The following MCF2L variants were observed in gnomAD, a reference collection of about 807,000 sequenced individuals.
MCF2L encodes the protein guanine nucleotide exchange factor DBS.
Under a neutral mutation model 153.4 loss-of-function variants are expected in MCF2L, and 97 were observed. The ratio of observed to expected loss-of-function variants is 0.63; its 90% CI spans 0.54 to 0.75. The LOEUF is 0.75. Ranked by LOEUF, MCF2L falls within the 30% of genes least tolerant of loss-of-function variation. The pLI, the probability that MCF2L is intolerant of heterozygous loss-of-function variation, is 0.00. For synonymous variants in MCF2L, 659 were observed against 632.2 expected (o/e 1.04, Z -0.64); for missense variants, 1,347 against 1,495.2 (o/e 0.90, Z 1.64).
Position 113,066,075 on chromosome 13 carries a change from G to T in MCF2L, c.786G>T (p.Gly262=), listed in dbSNP as rs2032319090. 6.2e-7 allele frequency: 1 copy of T among 1,613,210 alleles called. No individual in the cohort carries two copies. Among genetic ancestry groups the T allele is most frequent in the East Asian group, 2.2e-5 (1 of 44,872 alleles). The change falls in exon 8 of 30, where the codon GGG becomes GGT. Residue 262 remains glycine, a synonymous_variant. Coordinates refer to ENST00000535094, the MANE Select transcript of MCF2L (RefSeq NM_001112732.3). ...KEDLRLALKE[G]HSVLESLREL... is the part of the protein sequence containing the mutation. ...ATTTGAGGCTGGCACTGAAAGAGGGGCACAGTGTCCTGGAGAGCCTCAGGG... is the reference window on the plus strand; with the variant it reads ...ATTTGAGGCTGGCACTGAAAGAGGGTCACAGTGTCCTGGAGAGCCTCAGGG...
At chr13:113,049,203 T>C (rs1332240644) in intron 4 of MCF2L, among the ~76,000 whole-genome samples, 3 of 152,056 alleles carry the variant, frequency 2.0e-5, no homozygotes, top group African/African-American at 7.3e-5. Flanking sequence ...AGGCGGGCAG[T>C]GGTGGCACTG....
At chr13:112,903,629 C>T (rs1006172587) in intron 2 of MCF2L, among the ~76,000 whole-genome samples, 9 of 152,266 alleles carry the variant, frequency 5.9e-5, no homozygotes, top group East Asian at 1.9e-4. Context: ...GGCTGCGTTT[C>T]GGTATAGTCA....
At chr13:113,060,087 C>T (rs993291208) in intron 4 of MCF2L, among the ~76,000 whole-genome samples, 1 of 152,206 alleles carries the variant, frequency 6.6e-6, no homozygotes, top group Non-Finnish European at 1.5e-5. Context: ...GGCCTCTCCT[C>T]AGCTTCTGGT....
chr13:113,004,294 C>T (rs749991218), intron 1 of MCF2L, among the ~76,000 whole-genome samples: 76 of 152,192 alleles, frequency 5.0e-4, no homozygotes, highest in Non-Finnish European at 9.6e-4. Flanking sequence ...CGTCAGTGTG[C>T]GGCCACACTT....
At chr13:113,086,331 G>T in intron 21 of MCF2L, 82 bp downstream of exon 21, 1 of 1,560,548 alleles carries the variant, frequency 6.4e-7, no homozygotes, top group Non-Finnish European at 8.7e-7. Context: ...CCCTGCACAC[G>T]CCCCTCGCTT....
Position 113,027,893 on chromosome 13 carries a change from G to A in MCF2L, c.278+3135G>A, listed in dbSNP as rs1304855150. 6.6e-6 allele frequency among the ~76,000 whole-genome samples: 1 copy of A among 152,218 alleles called. No individual in the cohort carries two copies. The highest frequency in any genetic ancestry group is 2.4e-5 in the African/African-American group (1 of 41,464). On this transcript the variant is annotated intron_variant, in intron 3 of 29. Transcript: ENST00000535094. This position sits in a 1 kb window ranked among gnomAD's most constrained non-coding sequence, Gnocchi z 4.8. ...CCAGGTGTGCTGTGGCCAGAGGGGT[G>A]TCCTGGGGAGGGCGGTCATCTCCAA...
In MCF2L at chr13:112,991,293, G is replaced by A. The variant is rs559126436; in HGVS notation, c.79+21835G>A. Among the ~76,000 whole-genome samples, 42 of 151,898 alleles carry A rather than the reference G, an allele frequency of 2.8e-4. 2 individuals carry two copies. The South Asian group carries it at 8.3e-3, about 30-fold the overall frequency. On this transcript the variant is annotated intron_variant, in intron 1 of 29. Coordinates refer to ENST00000535094, the MANE Select transcript of MCF2L (RefSeq NM_001112732.3). ...CCCGGGACCTGATTTGCTGTGTTTT[G>A]GGGGGCGTCTCCCAGGACCTGATTT...
rs1315316406 is a variant in MCF2L, at chr13:112,928,902, G to A, written c.169+26531G>A. ...GGATGGAGGTCTGCGCCTCCTCCCA[G>A]CTGACAGTCTGTGGCATCTGCAGTG... On this transcript the variant is annotated intron_variant, in intron 2 of 29. Transcript: ENST00000375608. Among the ~76,000 whole-genome samples the A allele has an allele frequency of 2.0e-5, 3 of 152,330 alleles. No homozygotes were observed. The East Asian group carries it at 5.8e-4, about 29-fold the overall frequency.
chr13:113,078,817 G>A, intron 15 of MCF2L, 78 bp downstream of exon 15: 2 of 1,253,050 alleles, frequency 1.6e-6, no homozygotes, highest in Non-Finnish European at 2.2e-6. Context: ...AGGCACTCGA[G>A]CAGATGCCTC....
At chr13:112,997,058 C>T (rs1213534330) in intron 1 of MCF2L, among the ~76,000 whole-genome samples, 2 of 152,246 alleles carry the variant, frequency 1.3e-5, no homozygotes, top group African/African-American at 4.8e-5. Flanking sequence ...CACTGCTTTC[C>T]CAGCTGAGCG....
chr13:113,006,000 C>T (rs187898183), intron 1 of MCF2L, among the ~76,000 whole-genome samples: 1 of 152,178 alleles, frequency 6.6e-6, no homozygotes, highest in Non-Finnish European at 1.5e-5. Flanking sequence ...TCATCGGACT[C>T]GAAGCTCCCT....
intron 2 of MCF2L, among the ~76,000 whole-genome samples, chr13:113,016,118 C>G (rs952492494): frequency 1.3e-5 from 2 of 152,222 alleles, no homozygotes; most frequent in African/African-American, 2.4e-5. Flanking sequence ...TTTTCTCGAT[C>G]GTTCCTCAGA....
chr13:113,087,936 C>G, intron 23 of MCF2L, 137 bp downstream of exon 23: 1 of 713,506 alleles, frequency 1.4e-6, no homozygotes, highest in Non-Finnish European at 2.4e-6. Flanking sequence ...CTGCCCTGGG[C>G]TGTCTTCACC....
chr13:112,954,377 C>A (rs987988130), intron 2 of MCF2L, among the ~76,000 whole-genome samples: 1 of 152,082 alleles, frequency 6.6e-6, no homozygotes, highest in Non-Finnish European at 1.5e-5. Flanking sequence ...CCTGAAACCT[C>A]GAGGAGGCAG....
chr13:113,048,193 T>A lies in MCF2L; in HGVS notation c.369+2832T>A, dbSNP rs987251624. Among the ~76,000 whole-genome samples, 10 of 152,230 alleles carry A rather than the reference T, an allele frequency of 6.6e-5. No individual in the cohort carries two copies. In the East Asian group the frequency reaches 1.9e-3, roughly 29 times the overall value. ...CACCGAGTGTGTGATCGGATGAATT[T>A]CTTAAGCAGGTTGGCTCATCTTGAA... On this transcript the variant is annotated intron_variant, in intron 4 of 29. Coordinates refer to ENST00000535094, the MANE Select transcript of MCF2L (RefSeq NM_001112732.3).
rs1381930343 is a variant in MCF2L, at chr13:113,035,628, G to A, written c.279-9643G>A. ...CCCCAGGACAGCTTCGTGGCCGGCC[G>A]CCTCCATGGATTCGGGTGGGCACAG... is the stretch of plus-strand genomic sequence containing the variant. On this transcript the variant is annotated intron_variant, in intron 3 of 29. Coordinates refer to ENST00000535094, the MANE Select transcript of MCF2L (RefSeq NM_001112732.3). This position sits in a 1 kb window ranked among gnomAD's most constrained non-coding sequence, Gnocchi z 4.4. Among the ~76,000 whole-genome samples the A allele has an allele frequency of 6.6e-6, 1 of 152,270 alleles. No homozygotes were observed. The highest frequency in any genetic ancestry group is 1.5e-5 in the Non-Finnish European group (1 of 68,032).
Position 113,064,469 on chromosome 13 carries a change from T to C in MCF2L, c.606+49T>C, listed in dbSNP as rs1251257940. ...GGCTGGCTGATACCAGCTCGAGTACTTCCACAGAATCGCTCTTGCATTACA... is the reference window on the plus strand; with the variant it reads ...GGCTGGCTGATACCAGCTCGAGTACCTCCACAGAATCGCTCTTGCATTACA... On this transcript the variant is annotated intron_variant, in intron 6 of 29. Transcript: ENST00000535094. This position sits in a 1 kb window ranked among gnomAD's most constrained non-coding sequence, Gnocchi z 6.0. 8.6e-7 allele frequency: 1 copy of C among 1,161,518 alleles called. No individual in the cohort carries two copies. The highest frequency in any genetic ancestry group is 1.3e-6 in the Non-Finnish European group (1 of 776,262). 72.0% of individuals were successfully genotyped at this position (1,161,518 alleles called of 1,614,324 possible).
At chr13:112,968,632 G>A (rs760975560), upstream of MCF2L, 12 of 1,527,834 alleles carry the variant, frequency 7.9e-6, no homozygotes, top group Admixed American at 2.0e-5. Context: ...GGCGCGGCGC[G>A]GGTGGCATGC....
intron 27 of MCF2L, chr13:113,095,834 C>T: frequency 1.0e-6 from 1 of 992,744 alleles, no homozygotes. Flanking sequence ...TCCATGACAT[C>T]TGTGCAGCAT....
Sources: gnomAD v4.1 joint callset for allele counts (sites outside exome capture counted in the v4.1 genomes callset) on GRCh38, gnomAD v4.1.1 for gene constraint, Gnocchi (gnomAD v3.1) non-coding constraint, MANE v1.5 for transcripts, NCBI Gene and HGNC (gene_info 2026-07-23, HGNC 2026-07-21) for gene names.